SSX1: variants seen among roughly 807,000 people sequenced by gnomAD.
SSX1 encodes protein SSX1.
A neutral mutation model predicts 14.6 loss-of-function variants in SSX1; 58 were observed. The ratio of observed to expected loss-of-function variants is 3.96; its 90% CI spans 3.21 to 4.93. The LOEUF (loss-of-function observed/expected upper bound fraction) is 4.93, where lower values mean the gene tolerates loss of function less well. Ranked by LOEUF, SSX1 falls within the 30% of genes most tolerant of loss-of-function variation. The probability of loss-of-function intolerance (pLI) is 0.00; values close to 1 mark genes in which losing one functional copy is unlikely to be tolerated. For synonymous variants in SSX1, 46 were observed against 52.1 expected (o/e 0.88, Z 0.50); for missense variants, 272 against 143.1 (o/e 1.90, Z -4.60).
At chrX:48,261,235 C>A (rs2059602718) in intron 4 of SSX1, among the ~76,000 whole-genome samples, 1 of 112,041 alleles carries the variant, frequency 8.9e-6, no homozygotes, top group East Asian at 2.8e-4. Flanking sequence ...AGGCCAGAAT[C>A]AACCATCTCC....
At chrX:48,266,139 G>C in intron 6 of SSX1, 148 bp from the exon 7 acceptor site, 3 of 979,345 alleles carry the variant, frequency 3.1e-6, no homozygotes, top group East Asian at 6.1e-5. Flanking sequence ...TAAGGCCTCA[G>C]CCTCTCTAAG....
At chrX:48,262,909 G>A (rs1318090944) in intron 5 of SSX1, among the ~76,000 whole-genome samples, 31 of 110,449 alleles carry the variant, frequency 2.8e-4, no homozygotes, top group Admixed American at 2.5e-3. Context: ...GTTGAGGCGG[G>A]CAGATTACGA....
intron 3 of SSX1, 57 bp from the exon 4 acceptor site, chrX:48,258,479 C>A: frequency 1.1e-6 from 1 of 943,977 alleles, no homozygotes; most frequent in Non-Finnish European, 1.5e-6. Context: ...CAGACATGAG[C>A]CACCATGCCA....
chrX:48,261,816 G>C lies in SSX1; in HGVS notation c.330+1G>C. 2 of 1,210,429 alleles carry C rather than the reference G, an allele frequency of 1.7e-6. No homozygotes were observed. The highest frequency in any genetic ancestry group is 2.2e-6 in the Non-Finnish European group (2 of 894,490). On this transcript the variant is annotated splice_donor_variant, in intron 5 of 7. Transcript: ENST00000376919. LOFTEE classifies it high-confidence loss of function. ...CAGGCTCCACAGAATCATCCCGAAGGTGAGTATCTCTCAAATCTAAAGGAC... is the reference window on the plus strand; with the variant it reads ...CAGGCTCCACAGAATCATCCCGAAGCTGAGTATCTCTCAAATCTAAAGGAC...
intron 1 of SSX1, among the ~76,000 whole-genome samples, chrX:48,255,995 A>G (rs2059579703): frequency 9.7e-6 from 1 of 103,023 alleles, no homozygotes; most frequent in African/African-American, 3.6e-5. Context: ...TGGCCTCAGG[A>G]CTACAGATGT....
rs1556934503 is a variant in SSX1, at chrX:48,257,228, C to G, written c.-14C>G. 6.6e-6 allele frequency: 8 copies of G among 1,210,709 alleles called. No homozygotes were observed. Among genetic ancestry groups the G allele is most frequent in the Non-Finnish European group, 4.5e-6 (4 of 894,610 alleles). ...CAGGCTGTTTCTCTTGCAGGTGAGA[C>G]TGCTCCTGGTGCCATGAACGGAGAC... On this transcript the variant is annotated 5_prime_UTR_variant, in exon 2 of 8. Coordinates refer to ENST00000376919, the MANE Select transcript of SSX1 (RefSeq NM_005635.4).
chrX:48,259,297 C>T (rs1556935110), intron 4 of SSX1, among the ~76,000 whole-genome samples: 1 of 111,798 alleles, frequency 8.9e-6, no homozygotes, highest in Non-Finnish European at 1.9e-5. Flanking sequence ...GCACCCAGGC[C>T]GTTTCTAGTG....
chrX:48,255,395 A>G lies in SSX1; in HGVS notation c.-58A>G, dbSNP rs1346916363. ...CACCAACTGCTGCCAACTCGCCACC[A>G]CTGCTGCCGACCTCGCAACCACTGC... On this transcript the variant is annotated 5_prime_UTR_variant, in exon 1 of 8. Coordinates refer to ENST00000376919, the MANE Select transcript of SSX1 (RefSeq NM_005635.4). 1.8e-5 allele frequency: 2 copies of G among 110,598 alleles called. No homozygotes were observed. The highest frequency in any genetic ancestry group is 2.9e-4 in the East Asian group (1 of 3,503). The allele number at this position is 110,598 out of a possible 1,213,427, so 9.1% of individuals were successfully genotyped here. A position where few individuals can be genotyped will look rare whatever the true frequency, so the allele number is the denominator to read the frequency against.
intron 5 of SSX1, among the ~76,000 whole-genome samples, chrX:48,263,168 T>G (rs1446482120): frequency 1.8e-5 from 2 of 110,440 alleles, no homozygotes; most frequent in Non-Finnish European, 3.8e-5. Context: ...TGTTGGTCAG[T>G]GACACATCCC....
intron 6 of SSX1, among the ~76,000 whole-genome samples, chrX:48,265,736 G>T (rs1556936284): frequency 9.0e-6 from 1 of 111,613 alleles, no homozygotes; most frequent in Non-Finnish European, 1.9e-5. Context: ...TTGCATACGT[G>T]TATCAAAATA....
intron 7 of SSX1, 106 bp from the exon 8 acceptor site, chrX:48,266,748 G>A (rs1198063547): frequency 7.0e-6 from 4 of 572,070 alleles, no homozygotes; most frequent in East Asian, 6.7e-5. Flanking sequence ...CTGGGGTAGG[G>A]CAGAATCAGA....
At chrX:48,264,269 A>T (rs1164413329) in intron 6 of SSX1, among the ~76,000 whole-genome samples, 1 of 112,235 alleles carries the variant, frequency 8.9e-6, no homozygotes, top group Admixed American at 9.5e-5. Context: ...ATCTGTGATA[A>T]CCTGGGATCA....
rs141598464 is a variant in SSX1, at chrX:48,266,620, A to G, written c.*4+229A>G. Among the ~76,000 whole-genome samples the G allele has an allele frequency of 4.8e-3, 534 of 111,902 alleles. 14 individuals are homozygous for G. Among genetic ancestry groups the G allele is most frequent in the East Asian group, 0.039 (139 of 3,557 alleles). On this transcript the variant is annotated intron_variant, in intron 7 of 7. Transcript: ENST00000376919. ...GCTGTGGGTTCCCAAACCCCAGGTC[A>G]GCCCTGATATGTGGCCACACCTTCT...
rs782324489 is a variant in SSX1, at chrX:48,257,858, T to G, written c.182T>G (p.Leu61Arg). 2 of 1,144,985 alleles carry G rather than the reference T, an allele frequency of 1.7e-6. No individual in the cohort carries two copies. The highest frequency in any genetic ancestry group is 3.0e-5 in the East Asian group (1 of 33,321). 94.4% of individuals were successfully genotyped at this position (1,144,985 alleles called of 1,213,427 possible). ...AGAAACTATAAGGCCATGACTAAAC[T>G]AGGTAACAGAAAGTTCTAGGAACAG... ...MKRNYKAMTK[L>R]GFKVTLPPFM... Residue 61 changes from leucine to arginine, a missense_variant and splice_region_variant, in exon 3 of 8, where the codon CTA (leucine) becomes CGA (arginine). Transcript: ENST00000376919.
rs183761545 is a variant in SSX1 at position 48,255,428 on chromosome X, C to G, written c.-25C>G. 4 of 110,916 alleles carry G rather than the reference C, an allele frequency of 3.6e-5. No individual in the cohort carries two copies. Among genetic ancestry groups the G allele is most frequent in the Non-Finnish European group, 7.5e-5 (4 of 53,002 alleles). 9.1% of individuals were successfully genotyped at this position (110,916 alleles called of 1,213,427 possible). A position where few individuals can be genotyped will look rare whatever the true frequency, so the allele number is the denominator to read the frequency against. On this transcript the variant is annotated 5_prime_UTR_variant, in exon 1 of 8. Coordinates refer to ENST00000376919, the MANE Select transcript of SSX1 (RefSeq NM_005635.4). ...CGACCTCGCAACCACTGCTTTGTCT[C>G]TGAAGTAGGTTCTCTTTAAGGGACA...
At chrX:48,263,668 C>A in intron 5 of SSX1, 114 bp from the exon 6 acceptor site, 5 of 1,033,816 alleles carry the variant, frequency 4.8e-6, no homozygotes, top group Non-Finnish European at 6.6e-6. Context: ...TGTAACTCTC[C>A]CCGCGTTGTT....
chrX:48,264,387 G>T (rs1378551509), intron 6 of SSX1, among the ~76,000 whole-genome samples: 1 of 112,179 alleles, frequency 8.9e-6, no homozygotes, highest in Non-Finnish European at 1.9e-5. Flanking sequence ...ATTGTTTTTC[G>T]TTTGTTTCGC....
rs1468188037 is a variant in SSX1 at position 48,255,437 on chromosome X, G to A, written c.-21+5G>A. The stretch of plus-strand genomic sequence containing the variant: ...AACCACTGCTTTGTCTCTGAAGTAG[G>A]TTCTCTTTAAGGGACACCCTAGATG... On this transcript the variant is annotated splice_donor_5th_base_variant and intron_variant, in intron 1 of 7. Transcript: ENST00000376919. The A allele has an allele frequency of 9.0e-6, 1 of 110,540 alleles. No homozygotes were observed. The highest frequency in any genetic ancestry group is 3.3e-5 in the African/African-American group (1 of 30,383). 9.1% of individuals were successfully genotyped at this position (110,540 alleles called of 1,213,427 possible).
At chrX:48,258,238 C>T (rs1279122454) in intron 3 of SSX1, among the ~76,000 whole-genome samples, 1 of 90,412 alleles carries the variant, frequency 1.1e-5, no homozygotes, top group Non-Finnish European at 2.1e-5. Context: ...GTCACCTAGG[C>T]TAGAGTGTAG....
Sources: allele counts gnomAD v4.1 joint callset (sites outside exome capture counted in the v4.1 genomes callset), GRCh38; gene constraint gnomAD v4.1.1; transcripts MANE v1.5; gene names NCBI Gene and HGNC (gene_info 2026-07-23, HGNC 2026-07-21).